The following CTR9 variants were observed in gnomAD, a reference collection of about 807,000 sequenced individuals.
The protein encoded by CTR9 is CTR9 component of Paf1/RNA polymerase II complex.
A neutral mutation model predicts 152.1 loss-of-function variants in CTR9; 41 were observed. The ratio of observed to expected loss-of-function variants is 0.27; its 90% CI spans 0.21 to 0.35. The LOEUF is 0.35. CTR9 is among the 10% of genes least tolerant of loss of function. CTR9 has a pLI of 1.00. For missense variants in CTR9, 917 were observed against 1,424.4 expected (o/e 0.64, Z 5.73); for synonymous variants, 476 against 496.2 (o/e 0.96, Z 0.54).
rs1370701485 is a variant in CTR9, at chr11:10,775,264, A to G, written c.2943A>G (p.Pro981=). Residue 981 remains proline (P), a synonymous_variant, in exon 23 of 25, where the codon CCA becomes CCG. Transcript: ENST00000361367. ...ATGAAACAGAAAATGGCCCCAAACC[A>G]AAAAAACGACGTCCACCAAAAGCAG... The part of the protein sequence containing the change: ...DDDETENGPK[P]KKRRPPKAEK... 4 of 1,613,726 alleles carry G rather than the reference A, an allele frequency of 2.5e-6. No individual in the cohort carries two copies. In the East Asian group the frequency reaches 6.7e-5, roughly 27 times the overall value.
At chr11:10,757,613 T>C (rs777402701) in intron 5 of CTR9, among the ~76,000 whole-genome samples, 4 of 152,188 alleles carry the variant, frequency 2.6e-5, no homozygotes, top group Non-Finnish European at 4.4e-5. Context: ...GATTATAATA[T>C]AATCTTTTTG....
Position 10,779,181 on chromosome 11 carries a change from G to C in CTR9, c.*76G>C, listed in dbSNP as rs895062636. ...TGAAAGCTGTGATAAAAATGTTTCA[G>C]ATGTTTAGTCAATTGTGAAATTTTT... is the stretch of plus-strand genomic sequence containing the variant. On this transcript the variant is annotated 3_prime_UTR_variant, in exon 25 of 25. Transcript: ENST00000361367. 2 of 1,431,750 alleles carry C rather than the reference G, an allele frequency of 1.4e-6. No homozygotes were observed. The highest frequency in any genetic ancestry group is 1.4e-5 in the African/African-American group (1 of 69,862). The allele number at this position is 1,431,750 out of a possible 1,614,324, so 88.7% of individuals were successfully genotyped here.
Position 10,766,501 on chromosome 11 carries a change from T to C in CTR9, c.1686+11T>C. On this transcript the variant is annotated intron_variant, in intron 13 of 24. Transcript: ENST00000361367. ...CTTCAGATTAATCAGGTTGGTAATA[T>C]TAACTCTTAGGTTTGAGAAATAATT... 1 of 1,552,822 alleles carries C rather than the reference T, an allele frequency of 6.4e-7. No homozygotes were observed.
Position 10,779,254 on chromosome 11 carries a change from A to G in CTR9, c.*149A>G, listed in dbSNP as rs192012866. 135 of 722,838 alleles carry G rather than the reference A, an allele frequency of 1.9e-4. No homozygotes were observed. The highest frequency in any genetic ancestry group is 1.5e-3 in the African/African-American group (87 of 56,232). The allele number at this position is 722,838 out of a possible 1,614,324, so 44.8% of individuals were successfully genotyped here. On this transcript the variant is annotated 3_prime_UTR_variant, in exon 25 of 25. Transcript: ENST00000361367. ...TCAGTTTGTATATTACTAAGCCCCA[A>G]GAGACATTTCCTGTGCTAGAGTCCA...
intron 6 of CTR9, among the ~76,000 whole-genome samples, chr11:10,761,409 A>C (rs368612023): frequency 5.3e-5 from 8 of 152,298 alleles, no homozygotes; most frequent in African/African-American, 1.9e-4. Flanking sequence ...GTAATCCACC[A>C]GTATCAGTCA....
chr11:10,751,528 T>G lies in CTR9; in HGVS notation c.45+71T>G, dbSNP rs559797127. The stretch of plus-strand genomic sequence containing the variant: ...ATCGCCCCCACCGACTTCGCTCGAC[T>G]TCGTTTCTGAAGCGAGAGCATCCTC... On this transcript the variant is annotated intron_variant, in intron 1 of 24. Coordinates refer to ENST00000361367, the MANE Select transcript of CTR9 (RefSeq NM_014633.5). 1.4e-5 allele frequency: 21 copies of G among 1,481,850 alleles called. No homozygotes were observed. In the Admixed American group the frequency reaches 3.3e-4, roughly 23 times the overall value. 91.8% of individuals were successfully genotyped at this position (1,481,850 alleles called of 1,614,324 possible). A position where few individuals can be genotyped will look rare whatever the true frequency, so the allele number is the denominator to read the frequency against.
intron 1 of CTR9, 58 bp from the exon 2 acceptor site, chr11:10,752,614 A>G (rs184141599): frequency 6.7e-5 from 82 of 1,226,926 alleles, no homozygotes; most frequent in Middle Eastern, 1.9e-4. Flanking sequence ...AAAGCAGCAA[A>G]GATGAAATGT....
Position 10,763,837 on chromosome 11 carries a change from C to G in CTR9, c.1152C>G (p.Leu384=), listed in dbSNP as rs1221958773. The change falls in exon 9 of 25, where the codon CTC becomes CTG. Residue 384 remains leucine, a synonymous_variant. Coordinates refer to ENST00000361367, the MANE Select transcript of CTR9 (RefSeq NM_014633.5). ...NYETMKILGS[L]YAASEDQEKR... is the part of the protein sequence containing the mutation. ...AAACTATGAAAATTCTCGGCTCTCTCTATGCTGCCTCAGAAGATCAAGAAA... is the reference window on the plus strand; with the variant it reads ...AAACTATGAAAATTCTCGGCTCTCTGTATGCTGCCTCAGAAGATCAAGAAA... 6.2e-7 allele frequency: 1 copy of G among 1,613,070 alleles called. No individual in the cohort carries two copies. The highest frequency in any genetic ancestry group is 8.5e-7 in the Non-Finnish European group (1 of 1,179,798).
At chr11:10,760,416 T>G in intron 6 of CTR9, 95 bp downstream of exon 6, 1 of 1,214,628 alleles carries the variant, frequency 8.2e-7, no homozygotes, top group Non-Finnish European at 1.2e-6. Context: ...TCTTAGAAAT[T>G]AAGATTACAG....
chr11:10,766,569 T>A, intron 13 of CTR9, 79 bp downstream of exon 13: 1 of 971,504 alleles, frequency 1.0e-6, no homozygotes. Flanking sequence ...TTCCTTTTAA[T>A]GGCTACATCT....
chr11:10,770,616 C>T lies in CTR9; in HGVS notation c.2356C>T (p.Leu786=). The T allele has an allele frequency of 6.2e-7, 1 of 1,610,492 alleles. No homozygotes were observed. Among genetic ancestry groups the T allele is most frequent in the Non-Finnish European group, 8.5e-7 (1 of 1,179,204 alleles). ...LKEVLNAVKE[L]ELAHRYFSYL... ...GGAAGTACTTAATGCTGTGAAAGAACTGGAGCTTGCACATAGGTAAAGATT... is the reference window on the plus strand; with the variant it reads ...GGAAGTACTTAATGCTGTGAAAGAATTGGAGCTTGCACATAGGTAAAGATT... The change falls in exon 18 of 25, where the codon CTG becomes TTG. Residue 786 remains leucine, a synonymous_variant. Coordinates refer to ENST00000361367, the MANE Select transcript of CTR9 (RefSeq NM_014633.5).
At chr11:10,758,397 G>C (rs1862920677) in intron 5 of CTR9, among the ~76,000 whole-genome samples, 1 of 152,082 alleles carries the variant, frequency 6.6e-6, no homozygotes. Flanking sequence ...TAGTGGAGTT[G>C]GTACAAGTGG....
rs1863287116 is a variant in CTR9 at position 10,778,953 on chromosome 11, G to A, written c.3370G>A (p.Ala1124Thr). Residue 1124 changes from alanine (A) to threonine (T), a missense_variant, in exon 25 of 25, where the codon GCT (alanine) becomes ACT (threonine). Ala to Thr is a moderately conservative substitution (Grantham distance 58). Transcript: ENST00000361367. The part of the protein sequence containing the change: ...SGVSENDSRP[A>T]SPSAESDHES... ...AGTTTCTGAGAACGACTCTCGCCCA[G>A]CTTCTCCAAGTGCCGAATCAGATCA... The A allele has an allele frequency of 6.2e-7, 1 of 1,614,056 alleles. No homozygotes were observed. Among genetic ancestry groups the A allele is most frequent in the South Asian group, 1.1e-5 (1 of 91,086 alleles).
At chr11:10,772,124 G>A (rs1418108259) in intron 19 of CTR9, among the ~76,000 whole-genome samples, 1 of 152,098 alleles carries the variant, frequency 6.6e-6, no homozygotes, top group African/African-American at 2.4e-5. Context: ...TGGAGGCCTA[G>A]GTGGGCGGAT....
At chr11:10,773,741 C>G (rs368488276) in intron 21 of CTR9, among the ~76,000 whole-genome samples, 1 of 151,964 alleles carries the variant, frequency 6.6e-6, no homozygotes, top group Non-Finnish European at 1.5e-5. Context: ...AGAAATTAGC[C>G]AGGTGTAGTG....
At position 10,756,848 on chromosome 11, in the gene CTR9, A is replaced by G. The variant is rs1862892416; in HGVS notation, c.592+10A>G. On this transcript the variant is annotated intron_variant, in intron 5 of 24. Coordinates refer to ENST00000361367, the MANE Select transcript of CTR9 (RefSeq NM_014633.5). ...AACCCAGGATGTCCAGGTAAGAGAA[A>G]AATTTTATTTTATGTCTAAACTGTG... 10 of 1,584,028 alleles carry G rather than the reference A, an allele frequency of 6.3e-6. No individual in the cohort carries two copies. Among genetic ancestry groups the G allele is most frequent in the Non-Finnish European group, 7.8e-6 (9 of 1,153,914 alleles).
rs763402103 is a variant in CTR9, at chr11:10,751,398, C to G, written c.-15C>G. 3.1e-6 allele frequency: 5 copies of G among 1,611,708 alleles called. No individual in the cohort carries two copies. Among genetic ancestry groups the G allele is most frequent in the Middle Eastern group, 1.8e-4 (1 of 5,606 alleles). ...AGCGGCGGGGCGAGACACTTGCTCG[C>G]CTTTTGACCCCATCATGTCGCGGGG... On this transcript the variant is annotated 5_prime_UTR_variant, in exon 1 of 25. Transcript: ENST00000361367.
rs752125398 is a variant in CTR9 at position 10,760,313 on chromosome 11, A to G, written c.733A>G (p.Asn245Asp). The change falls in exon 6 of 25, where the codon AAT (asparagine) becomes GAT (aspartate). Residue 245 changes from asparagine (N) to aspartate (D), a missense_variant. This residue lies in a region of CTR9 where 110 missense variants were observed against 149.5 expected (regional missense o/e 0.74). Transcript: ENST00000361367. ...LVGLAVLELN[N>D]KEADSIKNGV... ...TGGACTGGCTGTTCTAGAACTCAAC[A>G]ATAAAGAGGTATGTAAATGAAAAAA... 1 of 1,612,850 alleles carries G rather than the reference A, an allele frequency of 6.2e-7. No homozygotes were observed. Among genetic ancestry groups the G allele is most frequent in the Admixed American group, 1.7e-5 (1 of 59,896 alleles).
At chr11:10,762,100 T>A (rs1263157184) in intron 7 of CTR9, 46 bp downstream of exon 7, 1 of 1,069,018 alleles carries the variant, frequency 9.4e-7, no homozygotes, top group Non-Finnish European at 1.4e-6. Flanking sequence ...TTTTCTGTAC[T>A]GCAATTGATA....
Sources: allele counts gnomAD v4.1 joint callset (sites outside exome capture counted in the v4.1 genomes callset), GRCh38; gene constraint gnomAD v4.1.1; regional missense constraint gnomAD v4.1.1; transcripts MANE v1.5; gene names NCBI Gene and HGNC (gene_info 2026-07-23, HGNC 2026-07-21).